ADGRE3: variants seen among roughly 807,000 people sequenced by gnomAD.
ADGRE3 encodes the protein EGF-like module receptor 3.
In ADGRE3, 88 loss-of-function variants were observed where a neutral mutation model predicts 80.1. The ratio of observed to expected loss-of-function variants is 1.10; its 90% CI spans 0.93 to 1.31. ADGRE3 has a LOEUF of 1.31. Ranked by LOEUF, ADGRE3 falls within the 40% of genes most tolerant of loss-of-function variation. The pLI is 0.00. For synonymous variants in ADGRE3, 281 were observed against 294.8 expected, an observed-to-expected ratio of 0.95 and a Z score of 0.48; for missense variants, 715 against 776.5, an observed-to-expected ratio of 0.92 and a Z score of 0.94.
Position 14,647,272 on chromosome 19 carries a change from T to C in ADGRE3, c.791A>G (p.Tyr264Cys), listed in dbSNP as rs755295994. The change falls in exon 8 of 16, where the codon TAT becomes TGT. Residue 264 changes from tyrosine (Y) to cysteine (C), a missense_variant. Transcript: ENST00000253673. Reference sequence around the variant, plus strand: ...AGCACTCACAACCTGAGAGTTCAGATACACTTGATCTTTCTTATCCATCTC... The same window carrying C: ...AGCACTCACAACCTGAGAGTTCAGACACACTTGATCTTTCTTATCCATCTC... ...FEEMDKKDQV[Y>C]LNSQVVSAAI... is the part of the protein sequence containing the mutation. The C allele has an allele frequency of 4.3e-6, 7 of 1,613,458 alleles. No homozygotes were observed. The highest frequency in any genetic ancestry group is 5.9e-6 in the Non-Finnish European group (7 of 1,179,484).
chr19:14,619,461 A>G lies in ADGRE3; in HGVS notation c.1931T>C (p.Phe644Ser). The G allele has an allele frequency of 6.3e-7, 1 of 1,596,292 alleles. No homozygotes were observed. ...ATATTTTCTCTTCACTTGTCCTGGA[A>G]AAACATCCCCCTATAAAAGAGGTTT... Reference protein sequence around the residue: ...PDSKPSEGDVFPGQVKRKY With the variant: ...PDSKPSEGDVSPGQVKRKY Residue 644 changes from phenylalanine to serine, a missense_variant, in exon 16 of 16, where the codon TTT (phenylalanine) becomes TCT (serine). Phe to Ser is a radical substitution (Grantham distance 155). Transcript: ENST00000253673.
chr19:14,611,371 C>CTTTTT, the ADGRE3 span, among the ~76,000 whole-genome samples: 8 of 75,946 alleles, frequency 1.1e-4, no homozygotes, highest in Admixed American at 1.8e-4. Flanking sequence ...AACTTCTATC[C>CTTTTT]TTTTTTTTTT....
intron 12 of ADGRE3, 71 bp from the exon 13 acceptor site, chr19:14,633,083 CAGG>C (rs1970929977): frequency 2.9e-6 from 4 of 1,365,996 alleles, no homozygotes; most frequent in South Asian, 2.4e-5. Flanking sequence ...AAATTGCACA[CAGG>C]AGTCCTACCC....
chr19:14,624,881 T>G (rs111494253), intron 15 of ADGRE3, among the ~76,000 whole-genome samples: 7 of 151,726 alleles, frequency 4.6e-5, no homozygotes, highest in African/African-American at 1.7e-4. Context: ...TGAGAGCTCA[T>G]GGACACAGGG....
At chr19:14,665,923 T>A in intron 2 of ADGRE3, among the ~76,000 whole-genome samples, 1 of 126,766 alleles carries the variant, frequency 7.9e-6, no homozygotes, top group East Asian at 2.4e-4. Context: ...ATATTGCATA[T>A]ACACACATAT....
intron 11 of ADGRE3, among the ~76,000 whole-genome samples, chr19:14,634,574 C>T (rs1010271067): frequency 9.9e-5 from 15 of 152,134 alleles, no homozygotes; most frequent in African/African-American, 2.2e-4. Flanking sequence ...GGAGGAACAG[C>T]GTCCTGTTAA....
At chr19:14,668,383 G>A (rs1599655805) in intron 2 of ADGRE3, among the ~76,000 whole-genome samples, 1 of 152,006 alleles carries the variant, frequency 6.6e-6, no homozygotes, top group Admixed American at 6.6e-5. Context: ...GATTCAAGAG[G>A]TACTTGTGAA....
At chr19:14,628,437 T>A (rs1970790195) in intron 14 of ADGRE3, among the ~76,000 whole-genome samples, 1 of 151,670 alleles carries the variant, frequency 6.6e-6, no homozygotes, top group Non-Finnish European at 1.5e-5. Context: ...AGAATCTGTC[T>A]CAAAAAATAA....
At chr19:14,617,220 TTCTTTTCTTTTC>T (rs199762076), downstream of ADGRE3, among the ~76,000 whole-genome samples, 9 of 150,786 alleles carry the variant, frequency 6.0e-5, no homozygotes, top group Middle Eastern at 3.4e-3. Context: ...TTTTCCTTCC[TTCTTTTCTTTTC>T]TCTTTTCTTT....
intron 2 of ADGRE3, 75 bp from the exon 3 acceptor site, chr19:14,663,615 G>T (rs1262430491): frequency 2.7e-6 from 4 of 1,507,912 alleles, no homozygotes; most frequent in Non-Finnish European, 3.6e-6. Flanking sequence ...CCTGCCTCTT[G>T]ATCACCTGAG....
chr19:14,673,192 T>G (rs1972303115), intron 1 of ADGRE3, among the ~76,000 whole-genome samples: 1 of 152,210 alleles, frequency 6.6e-6, no homozygotes, highest in Non-Finnish European at 1.5e-5. Flanking sequence ...TTGATAGAAT[T>G]TACAGCCTAT....
the ADGRE3 span, among the ~76,000 whole-genome samples, chr19:14,602,364 A>G: frequency 6.6e-6 from 1 of 152,122 alleles, no homozygotes; most frequent in East Asian, 1.9e-4. Flanking sequence ...GCCTCAGCTC[A>G]TGGCAGCCTT....
intron 13 of ADGRE3, among the ~76,000 whole-genome samples, chr19:14,632,572 A>C (rs899893380): frequency 6.6e-6 from 1 of 152,180 alleles, no homozygotes; most frequent in African/African-American, 2.4e-5. Flanking sequence ...TGACAAGGGC[A>C]ACATCCTTCT....
intron 9 of ADGRE3, among the ~76,000 whole-genome samples, chr19:14,643,529 C>T (rs996340089): frequency 6.6e-6 from 1 of 151,972 alleles, no homozygotes; most frequent in Non-Finnish European, 1.5e-5. Flanking sequence ...GTGAATGATC[C>T]CCCAATACAC....
At chr19:14,637,911 GT>G (rs36030572) in intron 11 of ADGRE3, among the ~76,000 whole-genome samples, 193 bp downstream of exon 11, 18,440 of 152,028 alleles carry the variant, frequency 0.12, 1,225 homozygotes, top group African/African-American at 0.18. Context: ...GAACCTGTTG[GT>G]TGTATAAGAC....
chr19:14,641,725 G>A, intron 9 of ADGRE3, 109 bp from the exon 10 acceptor site: 1 of 1,340,112 alleles, frequency 7.5e-7, no homozygotes, highest in Non-Finnish European at 1.0e-6. Flanking sequence ...GTGGTAGTGT[G>A]GGACCGTTAG....
rs1970610482 is a variant in ADGRE3 at position 14,621,621 on chromosome 19, C to T, written c.1921-2150G>A. On this transcript the variant is annotated intron_variant, in intron 15 of 15. Coordinates refer to ENST00000253673, the MANE Select transcript of ADGRE3 (RefSeq NM_032571.5). ...TGCATTCAGTGTTGTGGGATTTGCA[C>T]GGGCAGTACTCATTTTCCCTCATAC... is the stretch of plus-strand genomic sequence containing the variant. The T allele has an allele frequency of 1.6e-5, 14 of 859,424 alleles. 3 individuals carry two copies. The highest frequency in any genetic ancestry group is 1.7e-5 in the South Asian group (1 of 58,204). 53.2% of individuals were successfully genotyped at this position (859,424 alleles called of 1,614,324 possible). A position where few individuals can be genotyped will look rare whatever the true frequency, so the allele number is the denominator to read the frequency against.
In ADGRE3 at chr19:14,672,014, T is replaced by C. The variant is rs187584654; in HGVS notation, c.25+2732A>G. ...ATCCTCCTTCTGTGGCCTCCCAAAG[T>C]GTTGGCATTATATGCGTGAGGCACT... On this transcript the variant is annotated intron_variant, in intron 1 of 15. Coordinates refer to ENST00000253673, the MANE Select transcript of ADGRE3 (RefSeq NM_032571.5). 1.8e-4 allele frequency among the ~76,000 whole-genome samples: 27 copies of C among 152,270 alleles called. No individual in the cohort carries two copies. The East Asian group carries it at 5.0e-3, about 28-fold the overall frequency.
chr19:14,620,084 G>A (rs1970495626), intron 15 of ADGRE3, among the ~76,000 whole-genome samples: 1 of 152,122 alleles, frequency 6.6e-6, no homozygotes, highest in African/African-American at 2.4e-5. Flanking sequence ...ACATTGCCTG[G>A]CGACCTATCT....
Sources: gnomAD v4.1 joint callset for allele counts (sites outside exome capture counted in the v4.1 genomes callset) on GRCh38, gnomAD v4.1.1 for gene constraint, MANE v1.5 for transcripts, NCBI Gene and HGNC (gene_info 2026-07-23, HGNC 2026-07-21) for gene names.